FBXO27: variants seen among roughly 807,000 people sequenced by gnomAD.
FBXO27 encodes F-box only protein 27.
FBXO27 carries 28 observed loss-of-function variants against 28.3 expected under a neutral mutation model. That is an observed-to-expected ratio of 0.99 (90% CI 0.73 to 1.36). FBXO27 has a LOEUF of 1.36. FBXO27 is among the 40% of genes most tolerant of loss of function. The pLI is 0.00. For synonymous variants in FBXO27, 175 were observed against 167.3 expected (o/e 1.05, Z -0.36); for missense variants, 388 against 394.1 (o/e 0.98, Z 0.13).
chr19:39,031,959 T>A lies in FBXO27; in HGVS notation c.269A>T (p.Gln90Leu). ...AGGCCTGGCGTTACGGGCGGGAGAC[T>A]GGCAGCTGCGGGCGAGGTGCAGCAG... ...RALLHLARSC[Q>L]SPARNARPCP... Residue 90 changes from glutamine (Q) to leucine (L), a missense_variant, in exon 2 of 6, where the codon CAG becomes CTG. By Grantham distance (113) the Gln-to-Leu change is moderately radical. Transcript: ENST00000292853. 1.3e-6 allele frequency: 2 copies of A among 1,519,204 alleles called. No individual in the cohort carries two copies. The highest frequency in any genetic ancestry group is 8.7e-7 in the Non-Finnish European group (1 of 1,144,880). The allele number at this position is 1,519,204 out of a possible 1,614,324, so 94.1% of individuals were successfully genotyped here.
rs1349393688 is a variant in FBXO27, at chr19:39,026,883, T to C, written c.695A>G (p.Asn232Ser). Residue 232 changes from asparagine (N) to serine (S), a missense_variant, in exon 5 of 6, where the codon AAT (asparagine) becomes AGT (serine). Coordinates refer to ENST00000292853, the MANE Select transcript of FBXO27 (RefSeq NM_178820.5). ...VPDPIPQWNN[N>S]ACLHVTHVFS... ...TAGGAGACTCACGTGAAGGCAGGCA[T>C]TGTTGTTCCACTGCGGGATGGGATC... 1 of 1,614,126 alleles carries C rather than the reference T, an allele frequency of 6.2e-7. No individual in the cohort carries two copies. The highest frequency in any genetic ancestry group is 1.1e-5 in the South Asian group (1 of 91,078).
chr19:39,023,938 A>G (rs2072858186), downstream of FBXO27: 1 of 151,994 alleles, frequency 6.6e-6, no homozygotes, highest in Non-Finnish European at 1.5e-5. Context: ...GCTTTCGTAC[A>G]GTTTTCCCTC....
intron 2 of FBXO27, among the ~76,000 whole-genome samples, chr19:39,007,072 A>AAAC (rs1555756533): frequency 6.7e-6 from 1 of 150,268 alleles, no homozygotes; most frequent in East Asian, 1.9e-4. Flanking sequence ...AAAAAAAAAA[A>AAAC]AAAAAATACA....
intron 2 of FBXO27, among the ~76,000 whole-genome samples, chr19:39,012,125 G>A (rs1461500461): frequency 2.0e-5 from 3 of 149,088 alleles, no homozygotes; most frequent in South Asian, 2.1e-4. Context: ...GAGCCACCAC[G>A]CCCGGCCGAG....
At chr19:39,029,426 CA>C (rs35521168) in intron 4 of FBXO27, among the ~76,000 whole-genome samples, 81 of 101,740 alleles carry the variant, frequency 8.0e-4, no homozygotes, top group African/African-American at 1.7e-3. Flanking sequence ...GACTCTGTCT[CA>C]AAAAAAAAAA....
intron 2 of FBXO27, among the ~76,000 whole-genome samples, chr19:39,007,835 G>A (rs1479851825): frequency 6.6e-6 from 1 of 152,076 alleles, no homozygotes; most frequent in African/African-American, 2.4e-5. Context: ...TAGAGATGGA[G>A]TTTCCCTATG....
chr19:39,008,264 CAA>C (rs567620173), intron 2 of FBXO27, among the ~76,000 whole-genome samples: 24 of 98,786 alleles, frequency 2.4e-4, no homozygotes, highest in Admixed American at 4.6e-4. Context: ...GACTCTGTCT[CAA>C]AAAAAAAAAA....
chr19:39,025,335 A>T lies in FBXO27; in HGVS notation c.*76T>A. 1.0e-5 allele frequency: 16 copies of T among 1,530,276 alleles called. No homozygotes were observed. Among genetic ancestry groups the T allele is most frequent in the Non-Finnish European group, 1.4e-5 (16 of 1,132,414 alleles). 94.8% of individuals were successfully genotyped at this position (1,530,276 alleles called of 1,614,324 possible). On this transcript the variant is annotated 3_prime_UTR_variant, in exon 6 of 6. Transcript: ENST00000292853. ...GGGAGGTACAAGTGCTTGGTTGGTT[A>T]ATGAGGGGTCCCAGCCAATGGTCCC...
intron 1 of FBXO27, among the ~76,000 whole-genome samples, chr19:39,017,523 G>A (rs1307223867): frequency 6.6e-6 from 1 of 151,876 alleles, no homozygotes; most frequent in Non-Finnish European, 1.5e-5. Context: ...GTGAAACCCT[G>A]TCTCAACTAA....
At chr19:39,027,093 G>A in intron 4 of FBXO27, 88 bp from the exon 5 acceptor site, 1 of 1,531,096 alleles carries the variant, frequency 6.5e-7, no homozygotes, top group Non-Finnish European at 8.9e-7. Flanking sequence ...CTTCCCATGT[G>A]TGCAAATCCA....
At chr19:39,028,186 G>T (rs759232047) in intron 4 of FBXO27, among the ~76,000 whole-genome samples, 3 of 152,010 alleles carry the variant, frequency 2.0e-5, no homozygotes, top group Non-Finnish European at 2.9e-5. Context: ...AGCTGAGATC[G>T]CACCATTGCA....
Position 39,031,983 on chromosome 19 carries a change from AG to A in FBXO27, c.244del (p.Leu82CysfsTer74). On this transcript the variant is annotated frameshift_variant, in exon 2 of 6. Coordinates refer to ENST00000292853, the MANE Select transcript of FBXO27 (RefSeq NM_178820.5). LOFTEE classifies it high-confidence loss of function. ...CTGGCAGCTGCGGGCGAGGTGCAGC[AG>A]CGCGCGGCCGGTGGCGCCGTGGTCG... is the stretch of plus-strand genomic sequence containing the variant. Reference protein sequence around the residue: ...ARDHGATGRALLHLARSCQSP... With the variant: ...ARDHGATGRAXLHLARSCQSP... 2 of 1,523,148 alleles carry A rather than the reference AG, an allele frequency of 1.3e-6. No individual in the cohort carries two copies. Among genetic ancestry groups the A allele is most frequent in the Non-Finnish European group, 1.7e-6 (2 of 1,145,470 alleles). The allele number at this position is 1,523,148 out of a possible 1,614,324, so 94.4% of individuals were successfully genotyped here. A position where few individuals can be genotyped will look rare whatever the true frequency, so the allele number is the denominator to read the frequency against.
At chr19:39,011,904 C>T (rs1375879479) in intron 2 of FBXO27, among the ~76,000 whole-genome samples, 3 of 149,424 alleles carry the variant, frequency 2.0e-5, no homozygotes, top group Non-Finnish European at 4.4e-5. Context: ...TCTCGGCTCT[C>T]TGCAAGCTCC....
chr19:39,022,876 C>T (rs12151272), downstream of FBXO27, among the ~76,000 whole-genome samples: 17,868 of 152,098 alleles, frequency 0.12, 1,179 homozygotes, highest in African/African-American at 0.15. Context: ...TGGCTTACGG[C>T]AACCTCTGCC....
intron 2 of FBXO27, among the ~76,000 whole-genome samples, chr19:39,009,343 GT>G (rs1353694738): frequency 1.3e-5 from 2 of 152,182 alleles, no homozygotes; most frequent in African/African-American, 4.8e-5. Flanking sequence ...AGAATTCTAC[GT>G]TTAGCTTTTT....
At chr19:39,012,288 A>G (rs928277750) in intron 2 of FBXO27, among the ~76,000 whole-genome samples, 6 of 148,976 alleles carry the variant, frequency 4.0e-5, no homozygotes, top group African/African-American at 1.5e-4. Flanking sequence ...GGGTTCAAGC[A>G]ATTCTCCTGC....
At chr19:39,011,484 A>G (rs1257056575) in intron 2 of FBXO27, among the ~76,000 whole-genome samples, 1 of 152,168 alleles carries the variant, frequency 6.6e-6, no homozygotes, top group African/African-American at 2.4e-5. Flanking sequence ...AGATCAATTT[A>G]GGGAGTATTG....
downstream of FBXO27, among the ~76,000 whole-genome samples, chr19:39,022,144 T>C (rs935862998): frequency 2.6e-5 from 3 of 113,664 alleles, no homozygotes; most frequent in African/African-American, 1.0e-4. Flanking sequence ...ATATTTTCTA[T>C]TCTTTTTTTT....
At chr19:39,026,536 G>A (rs12978749) in intron 5 of FBXO27, among the ~76,000 whole-genome samples, 73,110 of 151,906 alleles carry the variant, frequency 0.48, 17,763 homozygotes, top group Middle Eastern at 0.58. Flanking sequence ...GTGCAATGGC[G>A]CAATCTTGGC....
Sources: gnomAD v4.1 joint callset for allele counts (sites outside exome capture counted in the v4.1 genomes callset) on GRCh38, gnomAD v4.1.1 for gene constraint, MANE v1.5 for transcripts, NCBI Gene and HGNC (gene_info 2026-07-23, HGNC 2026-07-21) for gene names.